The following NUFIP2 variants were observed in gnomAD, a reference collection of about 807,000 sequenced individuals.
NUFIP2 encodes nuclear FMR1 interacting protein 2, also known as FMR1-interacting protein NUFIP2.
Under a neutral mutation model 56.9 loss-of-function variants are expected in NUFIP2, and 6 were observed. That is an observed-to-expected ratio of 0.11 (90% CI 0.06 to 0.21). The LOEUF is 0.21. Ranked by LOEUF, NUFIP2 falls within the 10% of genes least tolerant of loss-of-function variation. The pLI is 1.00. For missense variants in NUFIP2, 828 were observed against 826.8 expected (o/e 1.00, Z -0.02); for synonymous variants, 321 against 298.2 (o/e 1.08, Z -0.79).
At chr17:29,282,874 A>T (rs1027383006) in intron 2 of NUFIP2, among the ~76,000 whole-genome samples, 1 of 152,200 alleles carries the variant, frequency 6.6e-6, no homozygotes, top group African/African-American at 2.4e-5. Flanking sequence ...TTTAAAAAAA[A>T]AAGGCTTCAC....
chr17:29,285,576 T>G (rs1211448978), intron 2 of NUFIP2, among the ~76,000 whole-genome samples: 1 of 151,150 alleles, frequency 6.6e-6, no homozygotes, highest in Non-Finnish European at 1.5e-5. Flanking sequence ...GGCAAGAGAG[T>G]GAGACTCCAT....
intron 1 of NUFIP2, among the ~76,000 whole-genome samples, chr17:29,290,811 A>C (rs768777988): frequency 1.3e-5 from 2 of 152,142 alleles, no homozygotes; most frequent in Admixed American, 6.6e-5. Context: ...GGTTAAACAA[A>C]GGTTTGTATC....
chr17:29,292,813 C>CGCCCCT (rs1008632309), intron 1 of NUFIP2, among the ~76,000 whole-genome samples: 1 of 149,112 alleles, frequency 6.7e-6, no homozygotes, highest in African/African-American at 2.4e-5. Flanking sequence ...CAACCGCCCC[C>CGCCCCT]GCCCCTCACC....
chr17:29,292,507 T>C (rs2069220943), intron 1 of NUFIP2, among the ~76,000 whole-genome samples: 1 of 147,474 alleles, frequency 6.8e-6, no homozygotes, highest in Non-Finnish European at 1.5e-5. Flanking sequence ...GGAGACGAGG[T>C]TCCTGTGGCA....
intron 2 of NUFIP2, among the ~76,000 whole-genome samples, chr17:29,273,871 T>C (rs766145496): frequency 1.3e-5 from 2 of 152,186 alleles, no homozygotes; most frequent in African/African-American, 2.4e-5. Context: ...TTCTACATAA[T>C]ACCTCCCTAT....
At chr17:29,265,824 T>A (rs890690218) in intron 3 of NUFIP2, among the ~76,000 whole-genome samples, 3 of 151,392 alleles carry the variant, frequency 2.0e-5, no homozygotes, top group Non-Finnish European at 4.4e-5. Context: ...AGAATCAATC[T>A]AGTTTAGTCC....
At chr17:29,278,928 T>A (rs897615851) in intron 2 of NUFIP2, among the ~76,000 whole-genome samples, 5 of 152,188 alleles carry the variant, frequency 3.3e-5, no homozygotes, top group Non-Finnish European at 7.3e-5. Context: ...TATCCCATAT[T>A]AGGAATTATT....
chr17:29,290,132 G>A (rs1426819542), intron 1 of NUFIP2, among the ~76,000 whole-genome samples: 4 of 152,028 alleles, frequency 2.6e-5, no homozygotes, highest in South Asian at 2.1e-4. Flanking sequence ...TGATCTGCCC[G>A]CCTGGGCCTC....
At chr17:29,272,365 C>G (rs1196762854) in intron 2 of NUFIP2, among the ~76,000 whole-genome samples, 1 of 151,672 alleles carries the variant, frequency 6.6e-6, no homozygotes, top group Non-Finnish European at 1.5e-5. Context: ...CTCAGCCTCC[C>G]GAATAGCTGA....
intron 2 of NUFIP2, among the ~76,000 whole-genome samples, chr17:29,272,958 T>C (rs558155437): frequency 3.0e-4 from 45 of 151,996 alleles, no homozygotes; most frequent in African/African-American, 9.9e-4. Flanking sequence ...GTTCAAGCTA[T>C]CCTGCCTCAG....
rs1047022392 is a variant in NUFIP2 at position 29,259,232 on chromosome 17, A to C, written c.*5307T>G. On this transcript the variant is annotated 3_prime_UTR_variant, in exon 4 of 4. Transcript: ENST00000225388. ...AGTACAACAACTTTGATATGCACTG[A>C]AAGTAAAACTAAATTGGAAAATAAA... is the stretch of plus-strand genomic sequence containing the variant. The C allele has an allele frequency of 6.6e-6, 1 of 152,232 alleles. No individual in the cohort carries two copies. Among genetic ancestry groups the C allele is most frequent in the African/African-American group, 2.4e-5 (1 of 41,456 alleles). 9.4% of individuals were successfully genotyped at this position (152,232 alleles called of 1,614,324 possible). A position where few individuals can be genotyped will look rare whatever the true frequency, so the allele number is the denominator to read the frequency against.
chr17:29,258,335 T>C lies in NUFIP2; in HGVS notation c.*6204A>G, dbSNP rs2068982131. 1 of 152,210 alleles carries C rather than the reference T, an allele frequency of 6.6e-6. No individual in the cohort carries two copies. The highest frequency in any genetic ancestry group is 2.4e-5 in the African/African-American group (1 of 41,462). The allele number at this position is 152,210 out of a possible 1,614,324, so 9.4% of individuals were successfully genotyped here. A position where few individuals can be genotyped will look rare whatever the true frequency, so the allele number is the denominator to read the frequency against. On this transcript the variant is annotated 3_prime_UTR_variant, in exon 4 of 4. Transcript: ENST00000225388. ...TTGTCAAGTAGCATTCACTAAAGTTTTCCTTTGCTAAGTAAAAAGACAAGA... is the reference window on the plus strand; with the variant it reads ...TTGTCAAGTAGCATTCACTAAAGTTCTCCTTTGCTAAGTAAAAAGACAAGA...
rs142425811 is a variant in NUFIP2, at chr17:29,289,464, C to T, written c.278-1748G>A. Among the ~76,000 whole-genome samples, 84 of 152,144 alleles carry T rather than the reference C, an allele frequency of 5.5e-4. 1 individual carries two copies. The East Asian group carries it at 0.014, about 26-fold the overall frequency. On this transcript the variant is annotated intron_variant, in intron 1 of 3. Coordinates refer to ENST00000225388, the MANE Select transcript of NUFIP2 (RefSeq NM_020772.3). ...AAAATTGGCCAGGCATGGTGGTGCA[C>T]GCCTGTAATCCCAGCTACTTGGGAG...
In NUFIP2 at chr17:29,258,037, TA is replaced by T. The variant is rs1359543160; in HGVS notation, c.*6501del. Reference sequence around the variant, plus strand: ...TAGTGAGGTGGTAAGAACCATCGACTATCTCAGGCATTACTACATGGCGTTT... The same window carrying T: ...TAGTGAGGTGGTAAGAACCATCGACTTCTCAGGCATTACTACATGGCGTTT... On this transcript the variant is annotated 3_prime_UTR_variant, in exon 4 of 4. Coordinates refer to ENST00000225388, the MANE Select transcript of NUFIP2 (RefSeq NM_020772.3). 2 of 152,194 alleles carry T rather than the reference TA, an allele frequency of 1.3e-5. No homozygotes were observed. The highest frequency in any genetic ancestry group is 2.9e-5 in the Non-Finnish European group (2 of 68,016). The allele number at this position is 152,194 out of a possible 1,614,324, so 9.4% of individuals were successfully genotyped here.
At chr17:29,282,599 A>C (rs1327135979) in intron 2 of NUFIP2, among the ~76,000 whole-genome samples, 2 of 151,862 alleles carry the variant, frequency 1.3e-5, no homozygotes, top group Non-Finnish European at 2.9e-5. Context: ...TTCTTTATAT[A>C]AGTTAAATAA....
rs1037029639 is a variant in NUFIP2 at position 29,261,453 on chromosome 17, A to T, written c.*3086T>A. On this transcript the variant is annotated 3_prime_UTR_variant, in exon 4 of 4. Coordinates refer to ENST00000225388, the MANE Select transcript of NUFIP2 (RefSeq NM_020772.3). ...ACACACCCCTTTTTCAGTCTTTATA[A>T]TGGAGGGATGTTAAAAATCCCCTCT... is the stretch of plus-strand genomic sequence containing the variant. 4 of 152,030 alleles carry T rather than the reference A, an allele frequency of 2.6e-5. No homozygotes were observed. The highest frequency in any genetic ancestry group is 9.7e-5 in the African/African-American group (4 of 41,424). The allele number at this position is 152,030 out of a possible 1,614,324, so 9.4% of individuals were successfully genotyped here.
rs779932152 is a variant in NUFIP2 at position 29,283,785 on chromosome 17, C to T, written c.2002+2207G>A. ...AATGTATAACACATGTCTTAAAAAA[C>T]GAAGCATTTATCTTTTTGCCCTAAC... On this transcript the variant is annotated intron_variant, in intron 2 of 3. Transcript: ENST00000225388. 5.9e-5 allele frequency among the ~76,000 whole-genome samples: 9 copies of T among 152,272 alleles called. No homozygotes were observed. The South Asian group carries it at 8.3e-4, about 14-fold the overall frequency.
Position 29,287,129 on chromosome 17 carries a change from T to C in NUFIP2, c.865A>G (p.Thr289Ala), listed in dbSNP as rs1254466834. 6.2e-7 allele frequency: 1 copy of C among 1,614,160 alleles called. No homozygotes were observed. Among genetic ancestry groups the C allele is most frequent in the Admixed American group, 1.7e-5 (1 of 60,010 alleles). The change falls in exon 2 of 4, where the codon ACA becomes GCA. Residue 289 changes from threonine (T) to alanine (A), a missense_variant. By Grantham distance (58) the Thr-to-Ala change is moderately conservative (BLOSUM62 0). Coordinates refer to ENST00000225388, the MANE Select transcript of NUFIP2 (RefSeq NM_020772.3). ...IWKYETGPGG[T>A]SRGKPAVGDM... The stretch of plus-strand genomic sequence containing the variant: ...CCCACAGCAGGTTTTCCTCGACTTG[T>C]TCCTCCAGGCCCAGTTTCATACTTC...
chr17:29,283,217 G>C (rs556713293), intron 2 of NUFIP2, among the ~76,000 whole-genome samples: 1 of 152,298 alleles, frequency 6.6e-6, no homozygotes, highest in Admixed American at 6.5e-5. Flanking sequence ...CATGGATAGG[G>C]AAAATGCATA....
Sources: allele counts gnomAD v4.1 joint callset (sites outside exome capture counted in the v4.1 genomes callset), GRCh38; gene constraint gnomAD v4.1.1; transcripts MANE v1.5; gene names NCBI Gene and HGNC (gene_info 2026-07-23, HGNC 2026-07-21).